Variants in SND1 observed in about 807,000 individuals in gnomAD.
The protein encoded by SND1 is staphylococcal nuclease and tudor domain containing 1.
A neutral mutation model predicts 121.7 loss-of-function variants in SND1; 38 were observed. The observed-to-expected ratio is 0.31, with a 90% CI of 0.24 to 0.41. SND1 has a LOEUF of 0.41. Among genes scored for constraint, SND1 ranks in the 10% least tolerant of loss-of-function variants. SND1 has a pLI of 1.00. For synonymous variants in SND1, 401 were observed against 447.4 expected (o/e 0.90, Z 1.31); for missense variants, 868 against 1,184.6 (o/e 0.73, Z 3.92).
intron 11 of SND1, among the ~76,000 whole-genome samples, chr7:127,839,204 G>A (rs1307195947): frequency 6.6e-6 from 1 of 152,114 alleles, no homozygotes; most frequent in Admixed American, 6.6e-5. Flanking sequence ...CAGTATTAGG[G>A]GTGCGTAGAG....
At chr7:128,044,354 A>G (rs753996356) in intron 16 of SND1, among the ~76,000 whole-genome samples, 5 of 152,194 alleles carry the variant, frequency 3.3e-5, no homozygotes, top group Non-Finnish European at 7.3e-5. Flanking sequence ...CTAAAGAATC[A>G]GGCTTTGTAG....
At chr7:128,079,451 C>T (rs926537150) in intron 17 of SND1, among the ~76,000 whole-genome samples, 1 of 152,198 alleles carries the variant, frequency 6.6e-6, no homozygotes, top group Admixed American at 6.5e-5. Context: ...GTGATGGGGA[C>T]AGGTGTTAGG....
At chr7:128,006,169 G>C (rs138767861) in intron 16 of SND1, among the ~76,000 whole-genome samples, 1 of 152,300 alleles carries the variant, frequency 6.6e-6, no homozygotes, top group East Asian at 1.9e-4. Context: ...CAGGAATGTA[G>C]AGTGGAGACA....
intron 1 of SND1, among the ~76,000 whole-genome samples, chr7:127,653,110 G>A (rs1280176746): frequency 2.0e-5 from 3 of 152,214 alleles, no homozygotes; most frequent in African/African-American, 7.2e-5. Flanking sequence ...TCACATGGTG[G>A]TTTGGGTTGG....
At chr7:127,766,758 C>T (rs1193491551) in intron 10 of SND1, among the ~76,000 whole-genome samples, 4 of 72,800 alleles carry the variant, frequency 5.5e-5, no homozygotes, top group Admixed American at 2.3e-4. Context: ...GGTGACAAAG[C>T]GAGACTTTGT....
intron 14 of SND1, among the ~76,000 whole-genome samples, chr7:127,922,679 C>T (rs540022012): frequency 2.0e-5 from 3 of 152,308 alleles, no homozygotes; most frequent in African/African-American, 7.2e-5. Flanking sequence ...TGGCTTCCTT[C>T]TTCTAGTTGG....
chr7:128,037,320 T>C (rs1313531925), intron 16 of SND1, among the ~76,000 whole-genome samples: 1 of 152,192 alleles, frequency 6.6e-6, no homozygotes, highest in Non-Finnish European at 1.5e-5. Flanking sequence ...CATGGCCACA[T>C]TGCCTTCTCC....
chr7:127,944,995 A>C (rs146954324), intron 15 of SND1, among the ~76,000 whole-genome samples: 265 of 152,242 alleles, frequency 1.7e-3, no homozygotes, highest in Middle Eastern at 0.01. Flanking sequence ...TCCTGACTAC[A>C]TCCCCCTCTA....
Position 127,718,297 on chromosome 7 carries a change from C to T in SND1, c.1039-2990C>T, listed in dbSNP as rs114609939. ...GAAATATCACTGTTAAAATGTGGTCCGTAATGGTGCTGATGAGCTGGCTTC... is the reference window on the plus strand; with the variant it reads ...GAAATATCACTGTTAAAATGTGGTCTGTAATGGTGCTGATGAGCTGGCTTC... On this transcript the variant is annotated intron_variant, in intron 9 of 23. Coordinates refer to ENST00000354725, the MANE Select transcript of SND1 (RefSeq NM_014390.4). Among the ~76,000 whole-genome samples the T allele has an allele frequency of 1.7e-3, 258 of 152,098 alleles. 1 individual carries two copies. The highest frequency in any genetic ancestry group is 6.1e-3 in the African/African-American group (251 of 41,468).
intron 14 of SND1, among the ~76,000 whole-genome samples, chr7:127,920,947 G>A (rs971526627): frequency 7.2e-5 from 11 of 151,768 alleles, no homozygotes; most frequent in Non-Finnish European, 7.4e-5. Context: ...CCACTAAAAG[G>A]CAATGACTTC....
chr7:127,957,076 T>C (rs1007520452), intron 15 of SND1, among the ~76,000 whole-genome samples: 1 of 152,206 alleles, frequency 6.6e-6, no homozygotes, highest in Admixed American at 6.5e-5. Flanking sequence ...TATTCAATGT[T>C]CTGTGGCCAG....
intron 16 of SND1, among the ~76,000 whole-genome samples, chr7:128,071,152 G>A (rs1303175705): frequency 6.6e-6 from 1 of 151,870 alleles, no homozygotes; most frequent in Non-Finnish European, 1.5e-5. Flanking sequence ...TGTGCCTTAT[G>A]GAGAAGATAC....
intron 11 of SND1, among the ~76,000 whole-genome samples, chr7:127,835,614 A>G (rs1477489672): frequency 4.6e-5 from 7 of 152,116 alleles, no homozygotes; most frequent in African/African-American, 1.7e-4. Context: ...AAAAGTAGGT[A>G]TTGGTGTGAG....
intron 5 of SND1, among the ~76,000 whole-genome samples, 171 bp downstream of exon 5, chr7:127,701,494 C>T (rs959347052): frequency 7.1e-6 from 1 of 141,464 alleles, no homozygotes; most frequent in Admixed American, 7.0e-5. Flanking sequence ...GGAATTTGGA[C>T]TCAGTTCATG....
chr7:127,808,349 G>A (rs553275516), intron 11 of SND1, among the ~76,000 whole-genome samples: 28 of 151,876 alleles, frequency 1.8e-4, no homozygotes, highest in Non-Finnish European at 3.1e-4. Context: ...TTTTTTGGTC[G>A]AGACGGAGTT....
chr7:127,704,907 T>G lies in SND1; in HGVS notation c.909T>G (p.Val303=). ...GCTGTGTGGACTGGTCGATTGCAGTTTACACCCGGGGCGCAGAAAAGCTGA... is the reference window on the plus strand; with the variant it reads ...GCTGTGTGGACTGGTCGATTGCAGTGTACACCCGGGGCGCAGAAAAGCTGA... ...FARCVDWSIA[V]YTRGAEKLRA... The change falls in exon 8 of 24, where the codon GTT becomes GTG. Residue 303 remains valine (V), a synonymous_variant. Transcript: ENST00000354725. 6.2e-7 allele frequency: 1 copy of G among 1,614,038 alleles called. No individual in the cohort carries two copies. The highest frequency in any genetic ancestry group is 8.5e-7 in the Non-Finnish European group (1 of 1,179,960).
chr7:128,084,494 AG>A (rs1327605792), intron 18 of SND1, among the ~76,000 whole-genome samples: 1 of 152,230 alleles, frequency 6.6e-6, no homozygotes, highest in African/African-American at 2.4e-5. Flanking sequence ...TGTGCCTTTA[AG>A]GCCCAACATG....
At chr7:127,742,612 C>T (rs908498606) in intron 10 of SND1, among the ~76,000 whole-genome samples, 3 of 151,996 alleles carry the variant, frequency 2.0e-5, no homozygotes, top group African/African-American at 7.3e-5. Flanking sequence ...CGGCAAGTAC[C>T]ATGTACCTTT....
At chr7:127,955,219 C>T (rs918454416) in intron 15 of SND1, among the ~76,000 whole-genome samples, 11 of 152,156 alleles carry the variant, frequency 7.2e-5, no homozygotes, top group Non-Finnish European at 1.0e-4. Context: ...CTCCTAAAAG[C>T]GCTTTTCAGC....
Sources: gnomAD v4.1 joint callset for allele counts (sites outside exome capture counted in the v4.1 genomes callset) on GRCh38, gnomAD v4.1.1 for gene constraint, MANE v1.5 for transcripts, NCBI Gene and HGNC (gene_info 2026-07-23, HGNC 2026-07-21) for gene names.